DENND11: variants seen among roughly 807,000 people sequenced by gnomAD.
DENND11 encodes the protein DENN domain containing 11.
DENND11 carries 34 observed loss-of-function variants against 49.2 expected under a neutral mutation model. The ratio of observed to expected loss-of-function variants is 0.69; its 90% CI spans 0.53 to 0.92. DENND11 has a LOEUF of 0.92. DENND11 is among the 40% of genes least tolerant of loss of function. The pLI, the probability that DENND11 is intolerant of heterozygous loss-of-function variation, is 0.00. For missense variants in DENND11, 475 were observed against 581.6 expected (o/e 0.82, Z 1.88); for synonymous variants, 238 against 230.3 (o/e 1.03, Z -0.30).
At chr7:141,676,894 A>G (rs960360329) in intron 3 of DENND11, among the ~76,000 whole-genome samples, 4 of 152,172 alleles carry the variant, frequency 2.6e-5, no homozygotes, top group African/African-American at 7.2e-5. Context: ...AAACTAGAGA[A>G]TAACCGGCTC....
At chr7:141,701,691 G>T in intron 1 of DENND11, 195 bp downstream of exon 1, 1 of 350,746 alleles carries the variant, frequency 2.9e-6, no homozygotes, top group Non-Finnish European at 4.6e-6. Flanking sequence ...CCAGCACCCA[G>T]CTGCGCCCCG....
At chr7:141,662,899 A>C (rs1034477386) in intron 8 of DENND11, 48 bp from the exon 9 acceptor site, 27 of 1,409,770 alleles carry the variant, frequency 1.9e-5, no homozygotes, top group Non-Finnish European at 2.4e-5. Context: ...GGGGAATAAA[A>C]AGCTCACCAG....
At chr7:141,666,563 A>G (rs1243198378) in intron 4 of DENND11, 138 bp from the exon 5 acceptor site, 1 of 824,544 alleles carries the variant, frequency 1.2e-6, no homozygotes, top group Non-Finnish European at 1.8e-6. Context: ...TTATTTCCAC[A>G]CACAATGATG....
At chr7:141,694,062 ATGAG>A (rs1401986475) in intron 1 of DENND11, among the ~76,000 whole-genome samples, 2 of 152,214 alleles carry the variant, frequency 1.3e-5, no homozygotes, top group East Asian at 1.9e-4. Context: ...TTATATGTGT[ATGAG>A]TGAGGGGGAG....
At chr7:141,681,802 A>C (rs906629355) in intron 3 of DENND11, among the ~76,000 whole-genome samples, 32 of 152,324 alleles carry the variant, frequency 2.1e-4, no homozygotes, top group African/African-American at 7.2e-4. Context: ...AAAGCTGTAC[A>C]GCCTCAAGAA....
At chr7:141,671,437 A>T (rs1420177568) in intron 4 of DENND11, among the ~76,000 whole-genome samples, 2 of 152,232 alleles carry the variant, frequency 1.3e-5, no homozygotes, top group African/African-American at 4.8e-5. Flanking sequence ...TTGGCCTCCC[A>T]AAGTGTTGGG....
intron 1 of DENND11, among the ~76,000 whole-genome samples, chr7:141,689,787 T>A (rs901987216): frequency 3.9e-5 from 6 of 152,254 alleles, no homozygotes; most frequent in Middle Eastern, 3.2e-3. Flanking sequence ...TCTGAGTTTC[T>A]ACAAAATGTA....
rs541605690 is a variant in DENND11, at chr7:141,696,454, T to C, written c.268+5432A>G. On this transcript the variant is annotated intron_variant, in intron 1 of 8. Coordinates refer to ENST00000536163, the MANE Select transcript of DENND11 (RefSeq NM_001080392.2). ...AACAATCTCTTTTTAATAGGAAATA[T>C]GTGAATTTCTTCTTCCTCCTCTGTT... 2.2e-3 allele frequency among the ~76,000 whole-genome samples: 335 copies of C among 152,342 alleles called. 1 individual carries two copies. Among genetic ancestry groups the C allele is most frequent in the Non-Finnish European group, 4.2e-3 (285 of 68,038 alleles).
Position 141,657,133 on chromosome 7 carries a change from G to A in DENND11, c.*5523C>T, listed in dbSNP as rs1346812776. On this transcript the variant is annotated 3_prime_UTR_variant, in exon 9 of 9. Transcript: ENST00000536163. ...ACATTTAAGGCGACAGGGAGGCTAT[G>A]CTGATTCTAACTCAGAAAGAAATGG... The A allele has an allele frequency of 6.6e-6, 1 of 152,648 alleles. No individual in the cohort carries two copies. Among genetic ancestry groups the A allele is most frequent in the Admixed American group, 6.5e-5 (1 of 15,282 alleles). The allele number at this position is 152,648 out of a possible 1,614,324, so 9.5% of individuals were successfully genotyped here.
chr7:141,677,382 T>C (rs765338043), intron 3 of DENND11, among the ~76,000 whole-genome samples: 1 of 132,794 alleles, frequency 7.5e-6, no homozygotes, highest in Non-Finnish European at 1.6e-5. Flanking sequence ...AGAGCGAGAC[T>C]CTTGTCTCAA....
Position 141,660,803 on chromosome 7 carries a change from A to G in DENND11, c.*1853T>C, listed in dbSNP as rs1326819308. Reference sequence around the variant, plus strand: ...GGCAAGAAGAGAGGGTTGCATGTAAAGGAGAATAAAAGGTGAGGCTTCAAC... The same window carrying G: ...GGCAAGAAGAGAGGGTTGCATGTAAGGGAGAATAAAAGGTGAGGCTTCAAC... On this transcript the variant is annotated 3_prime_UTR_variant, in exon 9 of 9. Coordinates refer to ENST00000536163, the MANE Select transcript of DENND11 (RefSeq NM_001080392.2). 1 of 152,666 alleles carries G rather than the reference A, an allele frequency of 6.6e-6. No individual in the cohort carries two copies. The highest frequency in any genetic ancestry group is 1.5e-5 in the Non-Finnish European group (1 of 68,048). The allele number at this position is 152,666 out of a possible 1,614,324, so 9.5% of individuals were successfully genotyped here.
At chr7:141,675,571 G>C (rs1255308983) in intron 3 of DENND11, among the ~76,000 whole-genome samples, 1 of 152,100 alleles carries the variant, frequency 6.6e-6, no homozygotes, top group Non-Finnish European at 1.5e-5. Flanking sequence ...GTTGGCCCTG[G>C]AACAGCAGTG....
intron 1 of DENND11, among the ~76,000 whole-genome samples, chr7:141,695,909 T>C (rs769661065): frequency 6.6e-6 from 1 of 152,178 alleles, no homozygotes; most frequent in Non-Finnish European, 1.5e-5. Context: ...GAGGCACAAA[T>C]GTGGCAATAT....
intron 8 of DENND11, 121 bp from the exon 9 acceptor site, chr7:141,662,972 G>T: frequency 3.2e-6 from 2 of 628,946 alleles, no homozygotes; most frequent in Non-Finnish European, 5.0e-6. Context: ...CAGTGGATTC[G>T]CAGGTATCTT....
intron 5 of DENND11, 69 bp downstream of exon 5, chr7:141,666,218 G>A: frequency 6.7e-7 from 1 of 1,482,964 alleles, no homozygotes; most frequent in Non-Finnish European, 9.0e-7. Flanking sequence ...CTTGGTCAGT[G>A]ACAGAAAGAC....
rs1375746087 is a variant in DENND11, at chr7:141,693,472, C to T, written c.269-6814G>A. ...AACTAACATGTTATTATCAAATGAC[C>T]CAGCAACGATGCACCTTTGTATTTA... On this transcript the variant is annotated intron_variant, in intron 1 of 8. Coordinates refer to ENST00000536163, the MANE Select transcript of DENND11 (RefSeq NM_001080392.2). Among the ~76,000 whole-genome samples, 9 of 152,100 alleles carry T rather than the reference C, an allele frequency of 5.9e-5. No individual in the cohort carries two copies. The South Asian group carries it at 1.2e-3, about 21-fold the overall frequency.
rs1166779831 is a variant in DENND11 at position 141,692,684 on chromosome 7, T to TA, written c.269-6027dup. ...GCGAGACCCTGTCTCTACAAAAAAT[T>TA]AAAAAAAAAAATTAGCCAGGCATGG... On this transcript the variant is annotated intron_variant, in intron 1 of 8. Coordinates refer to ENST00000536163, the MANE Select transcript of DENND11 (RefSeq NM_001080392.2). Among the ~76,000 whole-genome samples, 559 of 147,168 alleles carry TA rather than the reference T, an allele frequency of 3.8e-3. 1 individual carries two copies. Among genetic ancestry groups the TA allele is most frequent in the Non-Finnish European group, 6.1e-3 (408 of 66,454 alleles).
intron 1 of DENND11, among the ~76,000 whole-genome samples, chr7:141,694,098 C>T (rs1193953773): frequency 6.6e-6 from 1 of 152,054 alleles, no homozygotes; most frequent in Non-Finnish European, 1.5e-5. Context: ...GAACTCTGTA[C>T]TTTCTGCTCA....
At chr7:141,684,125 C>T (rs1435618734) in intron 3 of DENND11, among the ~76,000 whole-genome samples, 2 of 152,084 alleles carry the variant, frequency 1.3e-5, no homozygotes, top group Non-Finnish European at 1.5e-5. Context: ...TGGAATCTTG[C>T]TTTGTTGCCC....
Sources: gnomAD v4.1 joint callset for allele counts (sites outside exome capture counted in the v4.1 genomes callset) on GRCh38, gnomAD v4.1.1 for gene constraint, MANE v1.5 for transcripts, NCBI Gene and HGNC (gene_info 2026-07-23, HGNC 2026-07-21) for gene names.